Variants in IL17RD observed in about 807,000 individuals in gnomAD.
IL17RD encodes the protein interleukin 17 receptor D, also known as interleukin-17 receptor D.
A neutral mutation model predicts 80.5 loss-of-function variants in IL17RD; 52 were observed. The observed-to-expected ratio is 0.65, with a 90% CI of 0.52 to 0.81. The LOEUF is 0.81. Ranked by LOEUF, IL17RD falls within the 40% of genes least tolerant of loss-of-function variation. The probability of loss-of-function intolerance (pLI) is 0.00; values close to 1 mark genes in which losing one functional copy is unlikely to be tolerated. For missense variants in IL17RD, 1,024 were observed against 955.1 expected (o/e 1.07, Z -0.95); for synonymous variants, 416 against 391.8 (o/e 1.06, Z -0.73).
At chr3:57,123,913 C>T (rs545969711) in intron 1 of IL17RD, among the ~76,000 whole-genome samples, 59 of 152,180 alleles carry the variant, frequency 3.9e-4, no homozygotes, top group Middle Eastern at 6.8e-3. Flanking sequence ...GGTGTAATGG[C>T]GGGCACCTGT....
intron 2 of IL17RD, among the ~76,000 whole-genome samples, chr3:57,115,746 A>G (rs975213855): frequency 6.6e-6 from 1 of 152,152 alleles, no homozygotes; most frequent in African/African-American, 2.4e-5. Flanking sequence ...TTCTTTCTCA[A>G]TGATCAGACT....
rs1706623316 is a variant in IL17RD, at chr3:57,094,372, A to ATTTT, written c.*2020_*2021insAAAA. ...ATAAGTATCAAAACCCTAAATCCAA[A>ATTTT]CTAAAACATCCCGATTTTTTAACTA... On this transcript the variant is annotated 3_prime_UTR_variant, in exon 13 of 13. Coordinates refer to ENST00000296318, the MANE Select transcript of IL17RD (RefSeq NM_017563.5). 1 of 152,150 alleles carries ATTTT rather than the reference A, an allele frequency of 6.6e-6. No individual in the cohort carries two copies. The highest frequency in any genetic ancestry group is 2.1e-4 in the South Asian group (1 of 4,820). The allele number at this position is 152,150 out of a possible 1,614,324, so 9.4% of individuals were successfully genotyped here. A position where few individuals can be genotyped will look rare whatever the true frequency, so the allele number is the denominator to read the frequency against.
At chr3:57,108,360 CTT>C (rs1406423075) in intron 5 of IL17RD, among the ~76,000 whole-genome samples, 1 of 151,482 alleles carries the variant, frequency 6.6e-6, no homozygotes, top group Non-Finnish European at 1.5e-5. Flanking sequence ...GGCCAGCTGT[CTT>C]TTTTAACTAG....
At position 57,101,318 on chromosome 3, in the gene IL17RD, G is replaced by A. The variant is rs1436724653; in HGVS notation, c.1025C>T (p.Thr342Ile). Residue 342 changes from threonine to isoleucine, a missense_variant, in exon 11 of 13, where the codon ACA (threonine) becomes ATA (isoleucine). By Grantham distance (89) the Thr-to-Ile change is moderately conservative. Coordinates refer to ENST00000296318, the MANE Select transcript of IL17RD (RefSeq NM_017563.5). The stretch of plus-strand genomic sequence containing the variant: ...CTCTCTTGGGAGTGCTGCAGTGTAT[G>A]TGGAAGACTCAGAGCTCTCTTCATC... ...HLDEESSESSTYTAALPRERL... is the reference protein window; with the variant it reads ...HLDEESSESSIYTAALPRERL... 6.2e-7 allele frequency: 1 copy of A among 1,612,920 alleles called. No individual in the cohort carries two copies. The highest frequency in any genetic ancestry group is 1.3e-5 in the African/African-American group (1 of 75,044).
chr3:57,109,423 G>T, intron 5 of IL17RD, 114 bp downstream of exon 5: 1 of 1,137,364 alleles, frequency 8.8e-7, no homozygotes, highest in African/African-American at 1.6e-5. Flanking sequence ...GGGATTAGAG[G>T]TGTGAGCCAC....
intron 1 of IL17RD, among the ~76,000 whole-genome samples, chr3:57,154,578 G>A (rs1330932475): frequency 1.3e-5 from 2 of 152,036 alleles, no homozygotes; most frequent in Non-Finnish European, 2.9e-5. Flanking sequence ...GTGAAAAGAT[G>A]TGGGAGGTAG....
At position 57,164,343 on chromosome 3, in the gene IL17RD, GA is replaced by G. The variant is rs2060329880; in HGVS notation, c.126+817del. ...GTAGGGAGCAGGGAAGCTGAGAGGG[GA>G]ATGGCAATCACCCGCGCCCATCGCC... On this transcript the variant is annotated intron_variant, in intron 1 of 12. Coordinates refer to ENST00000296318, the MANE Select transcript of IL17RD (RefSeq NM_017563.5). 2.0e-5 allele frequency among the ~76,000 whole-genome samples: 3 copies of G among 152,184 alleles called. No individual in the cohort carries two copies. In the South Asian group the frequency reaches 6.2e-4, roughly 32 times the overall value.
Position 57,091,025 on chromosome 3 carries a change from C to T in IL17RD, c.*5368G>A, listed in dbSNP as rs1431594775. 6.6e-6 allele frequency: 1 copy of T among 152,590 alleles called. No individual in the cohort carries two copies. Among genetic ancestry groups the T allele is most frequent in the African/African-American group, 2.4e-5 (1 of 41,438 alleles). The allele number at this position is 152,590 out of a possible 1,614,324, so 9.5% of individuals were successfully genotyped here. On this transcript the variant is annotated 3_prime_UTR_variant, in exon 13 of 13. Coordinates refer to ENST00000296318, the MANE Select transcript of IL17RD (RefSeq NM_017563.5). ...GGGAAGACAACTGGCCAAAATTCCCCAGACATCTTCACTGGGAGATTCAAA... is the reference window on the plus strand; with the variant it reads ...GGGAAGACAACTGGCCAAAATTCCCTAGACATCTTCACTGGGAGATTCAAA...
intron 10 of IL17RD, among the ~76,000 whole-genome samples, chr3:57,101,632 C>T (rs572460917): frequency 3.3e-5 from 5 of 152,216 alleles, no homozygotes; most frequent in East Asian, 1.9e-4. Flanking sequence ...GTTAGCAGAG[C>T]GCTACCTTAG....
chr3:57,127,679 T>C (rs1290987418), intron 1 of IL17RD, among the ~76,000 whole-genome samples: 1 of 152,042 alleles, frequency 6.6e-6, no homozygotes, highest in Admixed American at 6.6e-5. Context: ...AGTGCTGGGA[T>C]TACAGGCGTG....
chr3:57,098,397 T>C lies in IL17RD; in HGVS notation c.1306A>G (p.Lys436Glu), dbSNP rs1411341050. 2 of 1,613,926 alleles carry C rather than the reference T, an allele frequency of 1.2e-6. No individual in the cohort carries two copies. Among genetic ancestry groups the C allele is most frequent in the Non-Finnish European group, 1.7e-6 (2 of 1,179,906 alleles). ...GAGCCTCGGCCACCTCCTTTGTGTT[T>C]GTAGTTCTTCTTGTCCACAAAGTAC... ...MKYFVDKKNY[K>E]HKGGGRGSGK... Residue 436 changes from lysine (K) to glutamate (E), a missense_variant, in exon 12 of 13, where the codon AAA becomes GAA. Physicochemically the swap from Lys to Glu is moderately conservative, Grantham distance 56 (BLOSUM62 1). Transcript: ENST00000296318.
chr3:57,140,303 C>T (rs1029669785), intron 1 of IL17RD, among the ~76,000 whole-genome samples: 15 of 152,170 alleles, frequency 9.9e-5, no homozygotes, highest in African/African-American at 2.9e-4. Context: ...CACTGAACTA[C>T]GAGCTCTAAA....
At chr3:57,118,598 T>C (rs1295451210) in intron 2 of IL17RD, among the ~76,000 whole-genome samples, 1 of 152,178 alleles carries the variant, frequency 6.6e-6, no homozygotes, top group Non-Finnish European at 1.5e-5. Context: ...ACTACCTTCT[T>C]ATGAATGAAA....
At chr3:57,164,878 C>T in intron 1 of IL17RD, 2 of 1,199,000 alleles carry the variant, frequency 1.7e-6, no homozygotes. Flanking sequence ...CCAGCCCCGC[C>T]GCCCCTCACG....
At chr3:57,161,550 A>G (rs2060305156) in intron 1 of IL17RD, among the ~76,000 whole-genome samples, 1 of 152,162 alleles carries the variant, frequency 6.6e-6, no homozygotes, top group Non-Finnish European at 1.5e-5. Context: ...TTGCAGGGGG[A>G]GTAGGAATTA....
chr3:57,138,813 C>T (rs1053767424), intron 1 of IL17RD, among the ~76,000 whole-genome samples: 2 of 151,858 alleles, frequency 1.3e-5, no homozygotes, highest in African/African-American at 2.4e-5. Context: ...GTGGTGCATG[C>T]CTGTAATCCC....
At position 57,095,530 on chromosome 3, in the gene IL17RD, C is replaced by A. The variant is rs1706652288; in HGVS notation, c.*863G>T. On this transcript the variant is annotated 3_prime_UTR_variant, in exon 13 of 13. Transcript: ENST00000296318. ...CAACCAAAGCACGAACTGCAACTTCCAATAATACAGACCAGCTGGGTAGCA... is the reference window on the plus strand; with the variant it reads ...CAACCAAAGCACGAACTGCAACTTCAAATAATACAGACCAGCTGGGTAGCA... The A allele has an allele frequency of 6.6e-6, 1 of 152,228 alleles. No homozygotes were observed. The highest frequency in any genetic ancestry group is 1.5e-5 in the Non-Finnish European group (1 of 68,076). 9.4% of individuals were successfully genotyped at this position (152,228 alleles called of 1,614,324 possible). A position where few individuals can be genotyped will look rare whatever the true frequency, so the allele number is the denominator to read the frequency against.
intron 1 of IL17RD, among the ~76,000 whole-genome samples, chr3:57,127,124 C>T (rs780533036): frequency 2.1e-5 from 3 of 144,866 alleles, no homozygotes; most frequent in African/African-American, 7.7e-5. Flanking sequence ...TGCACCCGGC[C>T]GGAAGATGGG....
At chr3:57,106,868 T>C (rs1043981349) in intron 5 of IL17RD, among the ~76,000 whole-genome samples, 1 of 152,146 alleles carries the variant, frequency 6.6e-6, no homozygotes, top group Non-Finnish European at 1.5e-5. Context: ...TTATAAATGT[T>C]TGCATTCCAG....
Sources: gnomAD v4.1 joint callset for allele counts (sites outside exome capture counted in the v4.1 genomes callset) on GRCh38, gnomAD v4.1.1 for gene constraint, MANE v1.5 for transcripts, NCBI Gene and HGNC (gene_info 2026-07-23, HGNC 2026-07-21) for gene names.